The following GPSM1 variants were observed in gnomAD, a reference collection of about 807,000 sequenced individuals.
GPSM1 encodes G protein signaling modulator 1, also known as G protein-signaling modulator 1.
GPSM1 carries 48 observed loss-of-function variants against 70.5 expected under a neutral mutation model. The ratio of observed to expected loss-of-function variants is 0.68; its 90% CI spans 0.54 to 0.87. The LOEUF is 0.87. Among genes scored for constraint, GPSM1 ranks in the 40% least tolerant of loss-of-function variants. GPSM1 has a pLI of 0.00. For synonymous variants in GPSM1, 416 were observed against 430.1 expected (o/e 0.97, Z 0.41); for missense variants, 981 against 972.6 (o/e 1.01, Z -0.11).
At position 136,341,566 on chromosome 9, in the gene GPSM1, G is replaced by T; in HGVS notation, c.1207+573G>T. On this transcript the variant is annotated intron_variant, in intron 9 of 13. Transcript: ENST00000440944. The surrounding 1 kb of genome is among the most constrained non-coding windows in gnomAD (Gnocchi z 6.7). ...CGAAAAGACTAATAGGTGCCAGGGG[G>T]GTGGTGCCAGGTTGGGCCGACTTCC... is the stretch of plus-strand genomic sequence containing the variant. 5 of 1,029,436 alleles carry T rather than the reference G, an allele frequency of 4.9e-6. No homozygotes were observed. In the South Asian group the frequency reaches 1.9e-4, roughly 40 times the overall value. 63.8% of individuals were successfully genotyped at this position (1,029,436 alleles called of 1,614,324 possible).
At chr9:136,338,918 CT>C (rs1832319574) in intron 7 of GPSM1, among the ~76,000 whole-genome samples, 1 of 152,202 alleles carries the variant, frequency 6.6e-6, no homozygotes. Flanking sequence ...TGGGGTCCCC[CT>C]CCCATCCCTC....
intron 5 of GPSM1, 34 bp downstream of exon 5, chr9:136,337,598 G>C: frequency 1.3e-6 from 2 of 1,543,072 alleles, no homozygotes; most frequent in Non-Finnish European, 1.8e-6. Context: ...TGGAGGGGCC[G>C]GGCTGCTGCA....
Position 136,358,296 on chromosome 9 carries a change from C to A in GPSM1, c.*76C>A. 1 of 1,307,546 alleles carries A rather than the reference C, an allele frequency of 7.6e-7. No homozygotes were observed. The highest frequency in any genetic ancestry group is 1.3e-5 in the South Asian group (1 of 78,000). The allele number at this position is 1,307,546 out of a possible 1,614,324, so 81.0% of individuals were successfully genotyped here. The stretch of plus-strand genomic sequence containing the variant: ...TCTCACAGTCACAGCCACGTCCTCC[C>A]GAGGCCATTGCCGAGGACAGGCACT... On this transcript the variant is annotated 3_prime_UTR_variant, in exon 14 of 14. Coordinates refer to ENST00000440944, the MANE Select transcript of GPSM1 (RefSeq NM_001145638.3).
At chr9:136,356,244 G>C (rs1187730782) in intron 12 of GPSM1, 98 bp from the exon 13 acceptor site, 1 of 930,914 alleles carries the variant, frequency 1.1e-6, no homozygotes, top group Admixed American at 2.9e-5. Context: ...ACAGTGGGCT[G>C]GGCTGGGCTC....
At position 136,355,767 on chromosome 9, in the gene GPSM1, CGA is replaced by C; in HGVS notation, c.1534_1535del (p.Asp512ProfsTer101). ...LTKFQSSRMD[D>X]QRCPLDDGQA... is the part of the protein sequence containing the mutation. ...CCAAGTTCCAGAGCAGCCGCATGGA[CGA>C]CCAGCGTTGTCCCCTGGACGATGGC... On this transcript the variant is annotated frameshift_variant, in exon 12 of 14. Coordinates refer to ENST00000440944, the MANE Select transcript of GPSM1 (RefSeq NM_001145638.3). LOFTEE classifies it high-confidence loss of function. 1 of 1,612,252 alleles carries C rather than the reference CGA, an allele frequency of 6.2e-7. No homozygotes were observed. Among genetic ancestry groups the C allele is most frequent in the Non-Finnish European group, 8.5e-7 (1 of 1,179,374 alleles).
At chr9:136,352,481 G>C (rs1832698815) in intron 11 of GPSM1, among the ~76,000 whole-genome samples, 1 of 152,232 alleles carries the variant, frequency 6.6e-6, no homozygotes, top group Non-Finnish European at 1.5e-5. Context: ...TGGAGGGTAG[G>C]GGACAGGGCA....
chr9:136,336,217 A>C, intron 3 of GPSM1, 116 bp downstream of exon 3: 1 of 1,248,916 alleles, frequency 8.0e-7, no homozygotes. Context: ...GGGAGGGATG[A>C]CAGGGAGGTC....
chr9:136,353,429 G>T (rs1554772463), intron 11 of GPSM1, among the ~76,000 whole-genome samples: 2 of 152,152 alleles, frequency 1.3e-5, no homozygotes, highest in Admixed American at 6.5e-5. Context: ...GGACATAAAT[G>T]CAGGGGAAGG....
Position 136,358,079 on chromosome 9 carries a change from G to A in GPSM1, c.1887G>A (p.Pro629=), listed in dbSNP as rs370124538. Residue 629 remains proline, a synonymous_variant, in exon 14 of 14, where the codon CCG becomes CCA. Transcript: ENST00000440944. ...PDVLPRGPTM[P]DEDFFSLIQR... ...TACTGCCCCGGGGCCCTACCATGCCGGACGAGGACTTCTTCAGCCTCATTC... is the reference window on the plus strand; with the variant it reads ...TACTGCCCCGGGGCCCTACCATGCCAGACGAGGACTTCTTCAGCCTCATTC... The A allele has an allele frequency of 3.5e-5, 56 of 1,612,722 alleles. No homozygotes were observed. Among genetic ancestry groups the A allele is most frequent in the Middle Eastern group, 1.7e-4 (1 of 6,058 alleles).
rs1290181542 is a variant in GPSM1 at position 136,339,456 on chromosome 9, TCTGCG to T, written c.975-248_975-244del. On this transcript the variant is annotated intron_variant, in intron 7 of 13. Transcript: ENST00000440944. ...CGGCCACAGGCCAGGTTGCTTGGACTCTGCGCTAATCCTTTTAATGGGAAGAAAAA... is the reference window on the plus strand; with the variant it reads ...CGGCCACAGGCCAGGTTGCTTGGACTCTAATCCTTTTAATGGGAAGAAAAA... 3.0e-4 allele frequency among the ~76,000 whole-genome samples: 46 copies of T among 152,302 alleles called. 2 individuals carry two copies. The highest frequency in any genetic ancestry group is 2.0e-4 in the Admixed American group (3 of 15,294).
In GPSM1 at chr9:136,341,472, C is replaced by G; in HGVS notation, c.1207+479C>G. On this transcript the variant is annotated intron_variant, in intron 9 of 13. Coordinates refer to ENST00000440944, the MANE Select transcript of GPSM1 (RefSeq NM_001145638.3). The surrounding 1 kb of genome is among the most constrained non-coding windows in gnomAD (Gnocchi z 6.7). ...GCGAGGCCACCGTGGTGACCTCATT[C>G]ATGGACCGCTGGTCGTCCCATGCCG... The G allele has an allele frequency of 7.6e-7, 1 of 1,315,976 alleles. No homozygotes were observed. The highest frequency in any genetic ancestry group is 9.7e-7 in the Non-Finnish European group (1 of 1,033,280). 81.5% of individuals were successfully genotyped at this position (1,315,976 alleles called of 1,614,324 possible).
chr9:136,343,014 G>A lies in GPSM1; in HGVS notation c.1207+2021G>A, dbSNP rs531612695. ...GATAAACACAAGGAGACTTACGTGC[G>A]GCTGGAGGACAAAGAGCCTTGGCGC... is the stretch of plus-strand genomic sequence containing the variant. On this transcript the variant is annotated intron_variant, in intron 9 of 13. Transcript: ENST00000440944. This position sits in a 1 kb window ranked among gnomAD's most constrained non-coding sequence, Gnocchi z 6.0. Among the ~76,000 whole-genome samples, 21 of 152,220 alleles carry A rather than the reference G, an allele frequency of 1.4e-4. No individual in the cohort carries two copies. The highest frequency in any genetic ancestry group is 2.6e-4 in the Admixed American group (4 of 15,294).
Position 136,336,972 on chromosome 9 carries a change from G to T in GPSM1, c.478G>T (p.Gly160Cys). Residue 160 changes from glycine (G) to cysteine (C), a missense_variant, in exon 4 of 14, where the codon GGC (glycine) becomes TGC (cysteine). Coordinates refer to ENST00000440944, the MANE Select transcript of GPSM1 (RefSeq NM_001145638.3). Reference sequence around the variant, plus strand: ...CATCGGGAACGTGTACCACGCCAAAGGCAAGCAACTGTCCTGGAACGCCGC... The same window carrying T: ...CATCGGGAACGTGTACCACGCCAAATGCAAGCAACTGTCCTGGAACGCCGC... ...YNIGNVYHAK[G>C]KQLSWNAANA... The T allele has an allele frequency of 6.4e-7, 1 of 1,557,046 alleles. No individual in the cohort carries two copies. Among genetic ancestry groups the T allele is most frequent in the East Asian group, 2.4e-5 (1 of 41,348 alleles).
chr9:136,347,018 G>A (rs1017109777), intron 9 of GPSM1, among the ~76,000 whole-genome samples: 1 of 152,188 alleles, frequency 6.6e-6, no homozygotes, highest in Non-Finnish European at 1.5e-5. Context: ...CCCAACCCTG[G>A]TGGCTGTGCT....
intron 2 of GPSM1, among the ~76,000 whole-genome samples, chr9:136,335,435 G>A (rs756232568): frequency 7.6e-4 from 115 of 152,102 alleles, no homozygotes; most frequent in Non-Finnish European, 1.3e-3. Context: ...CCTGCCCAGC[G>A]CCCTCCCCCT....
intron 13 of GPSM1, among the ~76,000 whole-genome samples, chr9:136,357,534 A>C (rs1315191601): frequency 6.6e-6 from 1 of 152,190 alleles, no homozygotes; most frequent in South Asian, 2.1e-4. Context: ...GGGGTCAGCC[A>C]CCTGACACAA....
chr9:136,348,002 G>A (rs1832564381), intron 9 of GPSM1, among the ~76,000 whole-genome samples: 2 of 152,204 alleles, frequency 1.3e-5, no homozygotes. Context: ...GCCCGGGACA[G>A]GCACTGGTGG....
rs1314661922 is a variant in GPSM1, at chr9:136,343,341, G to A, written c.1207+2348G>A. On this transcript the variant is annotated intron_variant, in intron 9 of 13. Coordinates refer to ENST00000440944, the MANE Select transcript of GPSM1 (RefSeq NM_001145638.3). This position sits in a 1 kb window ranked among gnomAD's most constrained non-coding sequence, Gnocchi z 6.0. ...TGCGGGCAGCATGATTGGCATGTTGGGAGGAGGGAGCCGGCCCTGAGCCCT... is the reference window on the plus strand; with the variant it reads ...TGCGGGCAGCATGATTGGCATGTTGAGAGGAGGGAGCCGGCCCTGAGCCCT... Among the ~76,000 whole-genome samples the A allele has an allele frequency of 8.5e-5, 13 of 152,136 alleles. No individual in the cohort carries two copies. Among genetic ancestry groups the A allele is most frequent in the African/African-American group, 3.1e-4 (13 of 41,428 alleles).
intron 1 of GPSM1, among the ~76,000 whole-genome samples, chr9:136,329,357 G>A (rs371773030): frequency 3.3e-5 from 5 of 152,242 alleles, no homozygotes; most frequent in African/African-American, 9.6e-5. Flanking sequence ...GTTCCTGGTC[G>A]GAGCTGGCTT....
Sources: allele counts gnomAD v4.1 joint callset (sites outside exome capture counted in the v4.1 genomes callset), GRCh38; gene constraint gnomAD v4.1.1; non-coding constraint Gnocchi (gnomAD v3.1); transcripts MANE v1.5; gene names NCBI Gene and HGNC (gene_info 2026-07-23, HGNC 2026-07-21).